Variants in ST3GAL4 observed in about 807,000 individuals in gnomAD.
The protein encoded by ST3GAL4 is CMP-N-acetylneuraminate-beta-galactosamide-alpha-2,3-sialyltransferase 4.
ST3GAL4 carries 24 observed loss-of-function variants against 42.6 expected under a neutral mutation model. That is an observed-to-expected ratio of 0.56 (90% CI 0.41 to 0.79). The LOEUF is 0.79. Ranked by LOEUF, ST3GAL4 falls within the 30% of genes least tolerant of loss-of-function variation. ST3GAL4 has a pLI of 0.00. For missense variants in ST3GAL4, 311 were observed against 430.8 expected (o/e 0.72, Z 2.46); for synonymous variants, 135 against 163.2 (o/e 0.83, Z 1.32).
At chr11:126,395,765 C>G (rs1357063452) in intron 1 of ST3GAL4, among the ~76,000 whole-genome samples, 1 of 152,166 alleles carries the variant, frequency 6.6e-6, no homozygotes, top group Non-Finnish European at 1.5e-5. Context: ...CCATGATTGT[C>G]AGGCCTCCCC....
Position 126,396,767 on chromosome 11 carries a change from T to A in ST3GAL4, c.-60-9329T>A, listed in dbSNP as rs1435026726. 6.7e-6 allele frequency among the ~76,000 whole-genome samples: 1 copy of A among 149,626 alleles called. No individual in the cohort carries two copies. Among genetic ancestry groups the A allele is most frequent in the Non-Finnish European group, 1.5e-5 (1 of 67,462 alleles). On this transcript the variant is annotated intron_variant, in intron 1 of 10. Transcript: ENST00000444328. This position sits in a 1 kb window ranked among gnomAD's most constrained non-coding sequence, Gnocchi z 5.8. ...AAGGAGCCAGAATTCCAGTGCCAGC[T>A]CCACTCCTCACGAGCTGTACAACCT...
chr11:126,407,750 C>T lies in ST3GAL4; in HGVS notation c.341+116C>T, dbSNP rs1014024724. ...AAACAGTCATGGACTGGTACCATCC[C>T]AGCCAATTCTCATGGTAGCCTAGCC... On this transcript the variant is annotated intron_variant, in intron 6 of 10. Transcript: ENST00000444328. The T allele has an allele frequency of 1.4e-5, 16 of 1,128,164 alleles. No homozygotes were observed. The African/African-American group carries it at 1.5e-4, about 11-fold the overall frequency. 69.9% of individuals were successfully genotyped at this position (1,128,164 alleles called of 1,614,324 possible). A position where few individuals can be genotyped will look rare whatever the true frequency, so the allele number is the denominator to read the frequency against.
At position 126,411,031 on chromosome 11, in the gene ST3GAL4, A is replaced by G. The variant is rs1954502492; in HGVS notation, c.771+1620A>G. 2.0e-5 allele frequency among the ~76,000 whole-genome samples: 3 copies of G among 152,204 alleles called. No individual in the cohort carries two copies. The highest frequency in any genetic ancestry group is 2.0e-4 in the Admixed American group (3 of 15,282). ...GAAGGGCAACAAGGAGTTTCATGCC[A>G]TTCATAGGATTACAGATGGAGAGGA... is the stretch of plus-strand genomic sequence containing the variant. On this transcript the variant is annotated intron_variant, in intron 9 of 10. Coordinates refer to ENST00000444328, the MANE Select transcript of ST3GAL4 (RefSeq NM_001254757.2). The surrounding 1 kb of genome is among the most constrained non-coding windows in gnomAD (Gnocchi z 6.3).
At position 126,409,357 on chromosome 11, in the gene ST3GAL4, T is replaced by G. The variant is rs1954415418; in HGVS notation, c.717T>G (p.Ile239Met). ...TTCTCAACCCCTTCTTCATGGAGAT[T>G]GCAGCTGACAAACTGCTGAGCCTGC... ...IRILNPFFME[I>M]AADKLLSLPM... Residue 239 changes from isoleucine (I) to methionine (M), a missense_variant, in exon 9 of 11, where the codon ATT becomes ATG. Physicochemically the swap from Ile to Met is conservative, Grantham distance 10. Coordinates refer to ENST00000444328, the MANE Select transcript of ST3GAL4 (RefSeq NM_001254757.2). This position sits in a 1 kb window ranked among gnomAD's most constrained non-coding sequence, Gnocchi z 4.9. The G allele has an allele frequency of 1.9e-6, 3 of 1,614,074 alleles. No homozygotes were observed. The African/African-American group carries it at 4.0e-5, about 22-fold the overall frequency.
In ST3GAL4 at chr11:126,376,059, A is replaced by T. The variant is rs139847885; in HGVS notation, c.-61+20217A>T. On this transcript the variant is annotated intron_variant, in intron 1 of 10. Coordinates refer to ENST00000444328, the MANE Select transcript of ST3GAL4 (RefSeq NM_001254757.2). This position sits in a 1 kb window ranked among gnomAD's most constrained non-coding sequence, Gnocchi z 5.1. ...GCAGTTTAATAGAATCTAGAGATATAAAGAAGTTCCTGACCACAGAGTTCA... is the reference window on the plus strand; with the variant it reads ...GCAGTTTAATAGAATCTAGAGATATTAAGAAGTTCCTGACCACAGAGTTCA... Among the ~76,000 whole-genome samples the T allele has an allele frequency of 4.9e-3, 750 of 152,280 alleles. 8 individuals carry two copies. The highest frequency in any genetic ancestry group is 0.016 in the African/African-American group (679 of 41,544).
At chr11:126,394,015 CA>C (rs1455717161) in intron 1 of ST3GAL4, among the ~76,000 whole-genome samples, 1 of 152,210 alleles carries the variant, frequency 6.6e-6, no homozygotes, top group Non-Finnish European at 1.5e-5. Flanking sequence ...GGACTGGCCC[CA>C]TTGCAAATAC....
chr11:126,382,125 G>A (rs1165470259), intron 1 of ST3GAL4, among the ~76,000 whole-genome samples: 2 of 151,930 alleles, frequency 1.3e-5, no homozygotes, highest in African/African-American at 4.8e-5. Context: ...AGCAAGAAGC[G>A]AATGTTCTCT....
chr11:126,358,148 T>C (rs533312234), intron 1 of ST3GAL4, among the ~76,000 whole-genome samples: 1 of 152,344 alleles, frequency 6.6e-6, no homozygotes, highest in East Asian at 1.9e-4. Context: ...AGTCCAGCAG[T>C]GCAGGGTGGG....
At chr11:126,413,908 G>A in intron 10 of ST3GAL4, 53 bp from the exon 11 acceptor site, 3 of 1,602,064 alleles carry the variant, frequency 1.9e-6, no homozygotes, top group East Asian at 2.2e-5. Flanking sequence ...CTTTCCTGGG[G>A]ACAGAGAGGT....
intron 1 of ST3GAL4, among the ~76,000 whole-genome samples, chr11:126,367,590 C>G (rs910162209): frequency 4.6e-5 from 7 of 152,300 alleles, no homozygotes; most frequent in African/African-American, 1.7e-4. Context: ...ACGTTACAAA[C>G]CAGGATGTGT....
chr11:126,371,365 A>G (rs1241993674), intron 1 of ST3GAL4, among the ~76,000 whole-genome samples: 2 of 151,506 alleles, frequency 1.3e-5, no homozygotes, highest in Non-Finnish European at 2.9e-5. Flanking sequence ...GGGTTTCACC[A>G]TGTTGGCCAG....
chr11:126,399,301 C>CTTT (rs58479155), intron 1 of ST3GAL4, among the ~76,000 whole-genome samples: 26,233 of 87,766 alleles, frequency 0.3, 5,643 homozygotes, highest in East Asian at 0.41. Flanking sequence ...TTCTTTCCTT[C>CTTT]TTTTTTTTTT....
chr11:126,377,915 A>G (rs1952880006), intron 1 of ST3GAL4, among the ~76,000 whole-genome samples: 1 of 152,376 alleles, frequency 6.6e-6, no homozygotes, highest in Non-Finnish European at 1.5e-5. Flanking sequence ...CGAAGTGTCA[A>G]TTAAACTTTT....
chr11:126,384,911 A>G lies in ST3GAL4; in HGVS notation c.-60-21185A>G, dbSNP rs1338399920. 3.0e-6 allele frequency: 3 copies of G among 985,156 alleles called. No homozygotes were observed. The highest frequency in any genetic ancestry group is 3.6e-6 in the Non-Finnish European group (3 of 829,922). 61.0% of individuals were successfully genotyped at this position (985,156 alleles called of 1,614,324 possible). On this transcript the variant is annotated intron_variant, in intron 1 of 10. Coordinates refer to ENST00000444328, the MANE Select transcript of ST3GAL4 (RefSeq NM_001254757.2). The surrounding 1 kb of genome is among the most constrained non-coding windows in gnomAD (Gnocchi z 5.5). ...GGACCCCTCTCTTTGCTGGGCTGGG[A>G]CAGAGCTTGAATGGAGAGGGGCCGC...
rs367840776 is a variant in ST3GAL4 at position 126,406,201 on chromosome 11, T to G, written c.16+30T>G. The G allele has an allele frequency of 3.8e-5, 59 of 1,556,492 alleles. No individual in the cohort carries two copies. In the African/African-American group the frequency reaches 7.8e-4, roughly 21 times the overall value. On this transcript the variant is annotated intron_variant, in intron 2 of 10. Transcript: ENST00000444328. This position sits in a 1 kb window ranked among gnomAD's most constrained non-coding sequence, Gnocchi z 5.4. ...GTGTCATCCGAGGGCTCCCCCACCC[T>G]GGAGGACAGGCCTCAGAAGCCGTCT...
intron 1 of ST3GAL4, among the ~76,000 whole-genome samples, chr11:126,375,867 T>TG (rs1366745072): frequency 2.2e-5 from 3 of 134,512 alleles, no homozygotes; most frequent in African/African-American, 8.7e-5. Flanking sequence ...TTCCTTTTCT[T>TG]CCTTTTTTTT....
chr11:126,377,718 C>A (rs770758984), intron 1 of ST3GAL4, among the ~76,000 whole-genome samples: 2 of 152,110 alleles, frequency 1.3e-5, no homozygotes, highest in Non-Finnish European at 2.9e-5. Flanking sequence ...TCAGGTGATC[C>A]ACCTCTCTCA....
chr11:126,372,239 G>A (rs1429811724), intron 1 of ST3GAL4, among the ~76,000 whole-genome samples: 1 of 152,010 alleles, frequency 6.6e-6, no homozygotes, highest in Non-Finnish European at 1.5e-5. Flanking sequence ...TCAGTCCTTG[G>A]CAGCCGCCAT....
intron 1 of ST3GAL4, among the ~76,000 whole-genome samples, chr11:126,390,388 T>C (rs946924488): frequency 2.6e-5 from 4 of 152,042 alleles, no homozygotes; most frequent in East Asian, 1.9e-4. Context: ...GTTGTACTTA[T>C]ATACTTCAAA....
Sources: allele counts gnomAD v4.1 joint callset (sites outside exome capture counted in the v4.1 genomes callset), GRCh38; gene constraint gnomAD v4.1.1; non-coding constraint Gnocchi (gnomAD v3.1); transcripts MANE v1.5; gene names NCBI Gene and HGNC (gene_info 2026-07-23, HGNC 2026-07-21).